Variants in MSRB3 observed in about 807,000 individuals in gnomAD.
MSRB3 encodes the protein methionine-R-sulfoxide reductase B3.
MSRB3 carries 13 observed loss-of-function variants against 21.0 expected under a neutral mutation model. The observed-to-expected ratio is 0.62, with a 90% CI of 0.40 to 0.98. MSRB3 has a LOEUF of 0.98. MSRB3 is among the 50% of genes least tolerant of loss of function. The pLI is 0.00. For missense variants in MSRB3, 199 were observed against 230.3 expected, an observed-to-expected ratio of 0.86 and a Z score of 0.88; for synonymous variants, 87 against 88.6, an observed-to-expected ratio of 0.98 and a Z score of 0.10.
chr12:65,298,796 G>A (rs1331959461), intron 1 of MSRB3, among the ~76,000 whole-genome samples: 1 of 152,150 alleles, frequency 6.6e-6, no homozygotes, highest in East Asian at 1.9e-4. Context: ...GGGTGGCAAA[G>A]TTCTGACTTA....
At chr12:65,431,412 C>T (rs552057226) in intron 5 of MSRB3, among the ~76,000 whole-genome samples, 3 of 151,888 alleles carry the variant, frequency 2.0e-5, no homozygotes, top group South Asian at 2.1e-4. Flanking sequence ...TACTTAGGCC[C>T]GTTTCTGTCT....
intron 4 of MSRB3, among the ~76,000 whole-genome samples, chr12:65,335,018 C>T (rs1298329987): frequency 6.6e-6 from 1 of 152,134 alleles, no homozygotes; most frequent in Non-Finnish European, 1.5e-5. Flanking sequence ...TGTGTCCCTT[C>T]ATCTTTATCA....
At chr12:65,326,589 G>A (rs1875046282) in intron 2 of MSRB3, among the ~76,000 whole-genome samples, 1 of 152,142 alleles carries the variant, frequency 6.6e-6, no homozygotes, top group African/African-American at 2.4e-5. Context: ...TCACATGCTA[G>A]AGACTGGCTG....
chr12:65,432,917 A>G (rs1881951250), intron 5 of MSRB3, among the ~76,000 whole-genome samples: 1 of 151,994 alleles, frequency 6.6e-6, no homozygotes, highest in Admixed American at 6.6e-5. Flanking sequence ...TTTGTCAGTG[A>G]CTCATTAAAA....
In MSRB3 at chr12:65,466,309, T is replaced by C. The variant is rs1224713943; in HGVS notation, c.*2987T>C. On this transcript the variant is annotated 3_prime_UTR_variant, in exon 7 of 7. Transcript: ENST00000308259. ...AATTTCAGTATATTTCTGTCTTATG[T>C]GAAAGAAATATATTACTAAAACGTC... is the stretch of plus-strand genomic sequence containing the variant. 2.0e-5 allele frequency: 3 copies of C among 152,118 alleles called. No homozygotes were observed. In the East Asian group the frequency reaches 5.8e-4, roughly 29 times the overall value. 9.4% of individuals were successfully genotyped at this position (152,118 alleles called of 1,614,324 possible).
chr12:65,463,380 A>G lies in MSRB3; in HGVS notation c.*58A>G. On this transcript the variant is annotated 3_prime_UTR_variant, in exon 7 of 7. Transcript: ENST00000308259. Reference sequence around the variant, plus strand: ...TAATGCACAGCTTATTAAAAAAATCAAAATTGTTATCTTAATAGATATATT... The same window carrying G: ...TAATGCACAGCTTATTAAAAAAATCGAAATTGTTATCTTAATAGATATATT... 1.3e-6 allele frequency: 2 copies of G among 1,582,674 alleles called. No homozygotes were observed. Among genetic ancestry groups the G allele is most frequent in the Admixed American group, 3.5e-5 (2 of 57,546 alleles).
At chr12:65,372,226 C>A (rs868121014) in intron 5 of MSRB3, among the ~76,000 whole-genome samples, 1 of 152,066 alleles carries the variant, frequency 6.6e-6, no homozygotes, top group Non-Finnish European at 1.5e-5. Context: ...CTTTGAAAGT[C>A]CTATTTGTGG....
At chr12:65,363,692 A>T (rs1016127582) in intron 4 of MSRB3, among the ~76,000 whole-genome samples, 3 of 152,134 alleles carry the variant, frequency 2.0e-5, no homozygotes, top group Non-Finnish European at 4.4e-5. Flanking sequence ...TTAAAAAAAA[A>T]TAACAGCTTG....
intron 5 of MSRB3, among the ~76,000 whole-genome samples, chr12:65,405,756 T>G (rs902577800): frequency 3.9e-5 from 6 of 152,150 alleles, no homozygotes; most frequent in Admixed American, 3.3e-4. Context: ...ATCTTTCACC[T>G]TCTTGATAAT....
chr12:65,343,704 A>G (rs1308383148), intron 4 of MSRB3, among the ~76,000 whole-genome samples: 1 of 152,018 alleles, frequency 6.6e-6, no homozygotes, highest in Non-Finnish European at 1.5e-5. Flanking sequence ...GTAGTAAGAG[A>G]TGGAGCTAGG....
At chr12:65,441,186 C>T (rs1222522991) in intron 5 of MSRB3, among the ~76,000 whole-genome samples, 1 of 151,842 alleles carries the variant, frequency 6.6e-6, no homozygotes, top group African/African-American at 2.4e-5. Flanking sequence ...TGTCAGTGGT[C>T]AGTTTTAAAG....
intron 1 of MSRB3, among the ~76,000 whole-genome samples, chr12:65,292,489 T>C (rs1309789561): frequency 1.3e-5 from 2 of 152,136 alleles, no homozygotes; most frequent in African/African-American, 4.8e-5. Flanking sequence ...TTCCTTGACC[T>C]CTCCTTTTTT....
At chr12:65,301,749 A>G (rs1472356097) in intron 1 of MSRB3, among the ~76,000 whole-genome samples, 1 of 152,220 alleles carries the variant, frequency 6.6e-6, no homozygotes, top group Non-Finnish European at 1.5e-5. Context: ...AGAATAAAAC[A>G]TACAATTATC....
intron 5 of MSRB3, among the ~76,000 whole-genome samples, chr12:65,402,182 C>T (rs150036934): frequency 0.015 from 2,220 of 152,220 alleles, 52 homozygotes; most frequent in African/African-American, 0.05. Flanking sequence ...GGGAAGTTCT[C>T]CTGGATATTT....
At chr12:65,295,396 C>T (rs140688417) in intron 1 of MSRB3, among the ~76,000 whole-genome samples, 1 of 152,050 alleles carries the variant, frequency 6.6e-6, no homozygotes, top group East Asian at 1.9e-4. Flanking sequence ...ATTATACGTT[C>T]TCCCTTTTAA....
chr12:65,428,852 C>G (rs999722295), intron 5 of MSRB3, among the ~76,000 whole-genome samples: 1 of 152,142 alleles, frequency 6.6e-6, no homozygotes, highest in Admixed American at 6.6e-5. Flanking sequence ...TGTTTCGTGC[C>G]CCTACATATG....
At chr12:65,366,235 C>A (rs1401753067) in intron 4 of MSRB3, among the ~76,000 whole-genome samples, 2 of 152,156 alleles carry the variant, frequency 1.3e-5, no homozygotes, top group Non-Finnish European at 2.9e-5. Context: ...TCTTTTAGGG[C>A]CAAGGGGTCC....
chr12:65,449,115 A>C (rs1592647698), intron 5 of MSRB3, among the ~76,000 whole-genome samples: 1 of 151,736 alleles, frequency 6.6e-6, no homozygotes, highest in Admixed American at 6.6e-5. Flanking sequence ...TGCAAGCTCC[A>C]CTTCCTGGGT....
chr12:65,289,977 T>G (rs1287866923), intron 1 of MSRB3, among the ~76,000 whole-genome samples: 1 of 152,222 alleles, frequency 6.6e-6, no homozygotes, highest in African/African-American at 2.4e-5. Flanking sequence ...ATAACTCATC[T>G]TTCTAAAACT....
Sources: allele counts gnomAD v4.1 joint callset (sites outside exome capture counted in the v4.1 genomes callset), GRCh38; gene constraint gnomAD v4.1.1; transcripts MANE v1.5; gene names NCBI Gene and HGNC (gene_info 2026-07-23, HGNC 2026-07-21).